The following MSR1 variants were observed in gnomAD, a reference collection of about 807,000 sequenced individuals.
MSR1 encodes macrophage scavenger receptor 1.
In MSR1, 53 loss-of-function variants were observed where a neutral mutation model predicts 47.2. The observed-to-expected ratio is 1.12, with a 90% confidence interval of 0.90 to 1.41. MSR1 has a LOEUF of 1.41. Among genes scored for constraint, MSR1 ranks in the 40% most tolerant of loss-of-function variants. The probability of loss-of-function intolerance (pLI) is 0.00; values close to 1 mark genes in which losing one functional copy is unlikely to be tolerated. For synonymous variants in MSR1, 239 were observed against 185.6 expected, an observed-to-expected ratio of 1.29 and a Z score of -2.34; for missense variants, 786 against 546.9, an observed-to-expected ratio of 1.44 and a Z score of -4.36.
At position 16,143,732 on chromosome 8, in the gene MSR1, A is replaced by T. The variant is rs33954820; in HGVS notation, c.980-121T>A. ...ATAGAATGGACAGATATTGAAATGTATAATAACATTGTATAATGTTAACAA... is the reference window on the plus strand; with the variant it reads ...ATAGAATGGACAGATATTGAAATGTTTAATAACATTGTATAATGTTAACAA... On this transcript the variant is annotated intron_variant, in intron 7 of 9. Coordinates refer to ENST00000262101, the MANE Select transcript of MSR1 (RefSeq NM_138715.3). The T allele has an allele frequency of 3.0e-3, 2,166 of 720,244 alleles. 38 individuals carry two copies. In the African/African-American group the frequency reaches 0.033, roughly 11 times the overall value. The allele number at this position is 720,244 out of a possible 1,614,324, so 44.6% of individuals were successfully genotyped here.
At position 16,110,226 on chromosome 8, in the gene MSR1, A is replaced by G. The variant is rs202167399; in HGVS notation, c.1223-8T>C. The G allele has an allele frequency of 3.7e-6, 6 of 1,613,134 alleles. No individual in the cohort carries two copies. On this transcript the variant is annotated splice_region_variant and splice_polypyrimidine_tract_variant and intron_variant, in intron 9 of 9. Coordinates refer to ENST00000262101, the MANE Select transcript of MSR1 (RefSeq NM_138715.3). ...GCCATATTGGACCAGTACCTGCAAT[A>G]ATGAGGTATAACTGCATTAGTAAGT...
At chr8:16,155,845 G>A (rs1439063947) in intron 5 of MSR1, among the ~76,000 whole-genome samples, 1 of 151,880 alleles carries the variant, frequency 6.6e-6, no homozygotes, top group African/African-American at 2.4e-5. Flanking sequence ...AGAATTTCTA[G>A]GTTGCTATAA....
At chr8:16,133,388 T>C (rs889736982) in intron 8 of MSR1, among the ~76,000 whole-genome samples, 1 of 152,158 alleles carries the variant, frequency 6.6e-6, no homozygotes, top group Non-Finnish European at 1.5e-5. Context: ...GATTGTAAGG[T>C]AGATGCCCAA....
At chr8:16,156,337 G>A (rs1358281824) in intron 5 of MSR1, among the ~76,000 whole-genome samples, 1 of 151,854 alleles carries the variant, frequency 6.6e-6, no homozygotes, top group Non-Finnish European at 1.5e-5. Flanking sequence ...AATACCCGAA[G>A]AAATCTAAGA....
intron 8 of MSR1, among the ~76,000 whole-genome samples, chr8:16,142,316 C>T (rs373848655): frequency 6.6e-5 from 10 of 151,874 alleles, no homozygotes; most frequent in Non-Finnish European, 1.2e-4. Flanking sequence ...GGCGACAGAG[C>T]GAGACTCCAT....
intron 7 of MSR1, among the ~76,000 whole-genome samples, chr8:16,147,941 G>A (rs994003962): frequency 1.3e-5 from 2 of 152,116 alleles, no homozygotes; most frequent in African/African-American, 4.8e-5. Flanking sequence ...CATTGGTGAG[G>A]ATGCAAGCCC....
chr8:16,140,746 C>G, intron 8 of MSR1: 1 of 1,423,982 alleles, frequency 7.0e-7, no homozygotes, highest in Non-Finnish European at 9.1e-7. Flanking sequence ...GGTGTCCAGG[C>G]TGGGGGTGAT....
intron 7 of MSR1, among the ~76,000 whole-genome samples, chr8:16,146,329 C>G (rs1800698066): frequency 6.6e-6 from 1 of 151,938 alleles, no homozygotes. Context: ...TCTATTTTAT[C>G]TTTCCATAAG....
intron 3 of MSR1, among the ~76,000 whole-genome samples, chr8:16,169,901 T>C (rs963138706): frequency 2.0e-5 from 3 of 152,042 alleles, no homozygotes; most frequent in African/African-American, 7.2e-5. Flanking sequence ...AAAAAAATTA[T>C]ATTCTAAAAT....
chr8:16,139,645 CAAAAT>C, intron 8 of MSR1: 1 of 966,886 alleles, frequency 1.0e-6, no homozygotes, highest in South Asian at 4.8e-5. Flanking sequence ...TTTTCATGAT[CAAAAT>C]ATTTTTGTTT....
chr8:16,119,752 G>A lies in MSR1; in HGVS notation c.1222+666C>T, dbSNP rs560389405. Among the ~76,000 whole-genome samples the A allele has an allele frequency of 4.6e-5, 7 of 152,030 alleles. No homozygotes were observed. The East Asian group carries it at 1.2e-3, about 25-fold the overall frequency. ...GAGACAGGTCTTGCTCTGTCACCCA[G>A]GCTGGAGTGCAGCAGCGTGACCATA... On this transcript the variant is annotated intron_variant, in intron 9 of 9. Transcript: ENST00000262101.
chr8:16,140,075 A>C, intron 8 of MSR1: 1 of 950,524 alleles, frequency 1.1e-6, no homozygotes, highest in Non-Finnish European at 1.2e-6. Flanking sequence ...TACATAATGG[A>C]CATGTGAATT....
At chr8:16,168,098 A>G (rs1313857215) in intron 4 of MSR1, among the ~76,000 whole-genome samples, 1 of 152,184 alleles carries the variant, frequency 6.6e-6, no homozygotes, top group Non-Finnish European at 1.5e-5. Flanking sequence ...CATATCAAAT[A>G]TGTCTGTTGC....
At chr8:16,141,030 G>C in intron 8 of MSR1, 1 of 1,613,672 alleles carries the variant, frequency 6.2e-7, no homozygotes, top group Non-Finnish European at 8.5e-7. Context: ...AATATGATCA[G>C]TGAGTTGTAC....
rs1296400366 is a variant in MSR1, at chr8:16,109,745, CT to C, written c.*339del. ...AAGAAGAGCAAAAAATTGTAATCTCCTGGTGAACATATTATGAATTGGAGCC... is the reference window on the plus strand; with the variant it reads ...AAGAAGAGCAAAAAATTGTAATCTCCGGTGAACATATTATGAATTGGAGCC... On this transcript the variant is annotated 3_prime_UTR_variant, in exon 10 of 10. Coordinates refer to ENST00000262101, the MANE Select transcript of MSR1 (RefSeq NM_138715.3). 3.7e-6 allele frequency: 1 copy of C among 270,206 alleles called. No individual in the cohort carries two copies. Among genetic ancestry groups the C allele is most frequent in the Admixed American group, 4.9e-5 (1 of 20,436 alleles). The allele number at this position is 270,206 out of a possible 1,614,324, so 16.7% of individuals were successfully genotyped here. A position where few individuals can be genotyped will look rare whatever the true frequency, so the allele number is the denominator to read the frequency against.
At chr8:16,134,448 AC>A (rs1427625484) in intron 8 of MSR1, among the ~76,000 whole-genome samples, 1 of 152,114 alleles carries the variant, frequency 6.6e-6, no homozygotes, top group Non-Finnish European at 1.5e-5. Context: ...TTGGGGAACC[AC>A]AAACCATGCC....
At chr8:16,145,079 C>T (rs938653403) in intron 7 of MSR1, among the ~76,000 whole-genome samples, 2 of 151,924 alleles carry the variant, frequency 1.3e-5, no homozygotes, top group Non-Finnish European at 2.9e-5. Context: ...AAACATTATT[C>T]CCAATTGAAA....
At chr8:16,178,021 A>C (rs868005018) in intron 1 of MSR1, 29 bp from the exon 2 acceptor site, 1 of 1,538,594 alleles carries the variant, frequency 6.5e-7, no homozygotes, top group Non-Finnish European at 9.0e-7. Context: ...AAATATATTA[A>C]TTCCACATGA....
intron 8 of MSR1, among the ~76,000 whole-genome samples, chr8:16,130,970 G>A (rs7837345): frequency 0.018 from 2,749 of 152,138 alleles, 91 homozygotes; most frequent in African/African-American, 0.061. Context: ...ATGGTAGAAC[G>A]ATTTGTATTC....
Sources: allele counts gnomAD v4.1 joint callset (sites outside exome capture counted in the v4.1 genomes callset), GRCh38; gene constraint gnomAD v4.1.1; transcripts MANE v1.5; gene names NCBI Gene and HGNC (gene_info 2026-07-23, HGNC 2026-07-21).